The following MYLIP variants were observed in gnomAD, a reference collection of about 807,000 sequenced individuals.
MYLIP encodes myosin regulatory light chain interacting protein, also known as E3 ubiquitin-protein ligase MYLIP.
In MYLIP, 26 loss-of-function variants were observed where a neutral mutation model predicts 45.8. The observed-to-expected ratio is 0.57, with a 90% CI of 0.42 to 0.79. The LOEUF (loss-of-function observed/expected upper bound fraction) is 0.79. MYLIP is among the 30% of genes least tolerant of loss of function. The pLI, the probability that MYLIP is intolerant of heterozygous loss-of-function variation, is 0.00. For synonymous variants in MYLIP, 213 were observed against 218.1 expected (o/e 0.98, Z 0.21); for missense variants, 494 against 555.6 (o/e 0.89, Z 1.11).
At chr6:16,154,464 C>G in the MYLIP span, among the ~76,000 whole-genome samples, 1 of 152,130 alleles carries the variant, frequency 6.6e-6, no homozygotes, top group Non-Finnish European at 1.5e-5. Flanking sequence ...ACCTCAGGCA[C>G]AGAGAGCTGG....
chr6:16,142,340 A>G (rs956432258), intron 3 of MYLIP, among the ~76,000 whole-genome samples: 3 of 152,256 alleles, frequency 2.0e-5, no homozygotes, highest in African/African-American at 4.8e-5. Flanking sequence ...CTTTAAGTAC[A>G]AATCTCCTAA....
chr6:16,134,235 A>G (rs1326293284), intron 2 of MYLIP, among the ~76,000 whole-genome samples: 1 of 152,238 alleles, frequency 6.6e-6, no homozygotes, highest in African/African-American at 2.4e-5. Context: ...TGTCTGTTGC[A>G]TATTTGTTGA....
chr6:16,143,913 T>C, intron 5 of MYLIP, 50 bp downstream of exon 5: 1 of 1,572,818 alleles, frequency 6.4e-7, no homozygotes. Flanking sequence ...TCTCAGGTTT[T>C]TAGGTGACAA....
At chr6:16,136,332 T>C (rs1426081932) in intron 2 of MYLIP, among the ~76,000 whole-genome samples, 1 of 151,974 alleles carries the variant, frequency 6.6e-6, no homozygotes, top group Non-Finnish European at 1.5e-5. Flanking sequence ...TGGAATCTTG[T>C]GGTATGCACT....
At chr6:16,151,071 G>T (rs997168125), downstream of MYLIP, among the ~76,000 whole-genome samples, 2 of 152,044 alleles carry the variant, frequency 1.3e-5, no homozygotes, top group African/African-American at 4.8e-5. Flanking sequence ...ATTAGAAAAA[G>T]TGCAGCGGTG....
the MYLIP span, among the ~76,000 whole-genome samples, chr6:16,159,133 C>T: frequency 5.9e-5 from 9 of 152,336 alleles, no homozygotes; most frequent in South Asian, 1.5e-3. Context: ...GTGCTGGTTG[C>T]ACCCTGTACA....
At position 16,140,130 on chromosome 6, in the gene MYLIP, G is replaced by A. The variant is rs571479665; in HGVS notation, c.279-1495G>A. 1.2e-4 allele frequency among the ~76,000 whole-genome samples: 18 copies of A among 152,284 alleles called. No homozygotes were observed. In the East Asian group the frequency reaches 2.3e-3, roughly 20 times the overall value. On this transcript the variant is annotated intron_variant, in intron 2 of 6. Coordinates refer to ENST00000356840, the MANE Select transcript of MYLIP (RefSeq NM_013262.4). ...AAACAGAAACAGTGCTGAGGACATC[G>A]CACCTGGCCAAAGTTACAATTCATT...
the MYLIP span, among the ~76,000 whole-genome samples, chr6:16,159,219 A>G: frequency 6.6e-6 from 1 of 152,254 alleles, no homozygotes; most frequent in Non-Finnish European, 1.5e-5. Context: ...AGCATATTAT[A>G]ACAATTTCCC....
At chr6:16,162,672 C>T in the MYLIP span, among the ~76,000 whole-genome samples, 6 of 150,640 alleles carry the variant, frequency 4.0e-5, no homozygotes, top group Admixed American at 6.6e-5. Context: ...ATTTTACTGC[C>T]GGGCATGGTG....
chr6:16,138,320 CA>C (rs78468965), intron 2 of MYLIP, among the ~76,000 whole-genome samples: 126 of 133,238 alleles, frequency 9.5e-4, no homozygotes, highest in Admixed American at 1.3e-3. Context: ...GCCTACTTTA[CA>C]AAAAAAAAAA....
At chr6:16,139,744 T>C (rs1355184693) in intron 2 of MYLIP, among the ~76,000 whole-genome samples, 7 of 152,220 alleles carry the variant, frequency 4.6e-5, no homozygotes, top group Non-Finnish European at 1.0e-4. Flanking sequence ...AGTTTAGCAG[T>C]ATGTCAGAAA....
At position 16,145,221 on chromosome 6, in the gene MYLIP, C is replaced by T; in HGVS notation, c.1152C>T (p.Ala384=). The T allele has an allele frequency of 6.2e-7, 1 of 1,614,114 alleles. No homozygotes were observed. Among genetic ancestry groups the T allele is most frequent in the Non-Finnish European group, 8.5e-7 (1 of 1,179,998 alleles). ...AGAAGCTACGCAAGCTGAAGGAAGC[C>T]ATGCTGTGCATGGTGTGCTGCGAGG... The part of the protein sequence containing the change: ...LQEKLRKLKE[A]MLCMVCCEEE... Residue 384 remains alanine, a synonymous_variant, in exon 6 of 7, where the codon GCC becomes GCT. Coordinates refer to ENST00000356840, the MANE Select transcript of MYLIP (RefSeq NM_013262.4).
the MYLIP span, among the ~76,000 whole-genome samples, chr6:16,161,798 G>T: frequency 6.6e-6 from 1 of 152,046 alleles, no homozygotes. Flanking sequence ...ATTTGTAAAA[G>T]AATATGAATA....
At chr6:16,151,473 T>C (rs1395024879), downstream of MYLIP, among the ~76,000 whole-genome samples, 3 of 152,062 alleles carry the variant, frequency 2.0e-5, no homozygotes, top group African/African-American at 7.2e-5. Context: ...TAAAATAAAT[T>C]AGGAAGGTTG....
At chr6:16,163,053 G>C in the MYLIP span, among the ~76,000 whole-genome samples, 1 of 152,066 alleles carries the variant, frequency 6.6e-6, no homozygotes, top group Non-Finnish European at 1.5e-5. Context: ...GAGGATGGCA[G>C]ACCTGATAGG....
chr6:16,155,160 T>C, the MYLIP span, among the ~76,000 whole-genome samples: 62 of 152,202 alleles, frequency 4.1e-4, no homozygotes, highest in African/African-American at 1.4e-3. Flanking sequence ...AGGCAGAGAA[T>C]TCATGCACAT....
At chr6:16,152,952 G>A (rs373719038), downstream of MYLIP, among the ~76,000 whole-genome samples, 230 of 152,240 alleles carry the variant, frequency 1.5e-3, 1 homozygote, top group African/African-American at 5.1e-3. Flanking sequence ...ATGGGGTTGG[G>A]GAGTTAGGTT....
chr6:16,132,259 C>T (rs1759473008), intron 2 of MYLIP, among the ~76,000 whole-genome samples: 1 of 152,118 alleles, frequency 6.6e-6, no homozygotes, highest in Non-Finnish European at 1.5e-5. Context: ...TGTATTCAGA[C>T]TTTATAATTG....
intron 4 of MYLIP, 110 bp from the exon 5 acceptor site, chr6:16,143,589 C>A: frequency 9.1e-7 from 1 of 1,095,190 alleles, no homozygotes; most frequent in Admixed American, 2.4e-5. Flanking sequence ...CCAGAGGAAG[C>A]GTCTGATTTT....
Sources: allele counts gnomAD v4.1 joint callset (sites outside exome capture counted in the v4.1 genomes callset), GRCh38; gene constraint gnomAD v4.1.1; transcripts MANE v1.5; gene names NCBI Gene and HGNC (gene_info 2026-07-23, HGNC 2026-07-21).